Variants in NTN4 observed in about 807,000 individuals in gnomAD.
NTN4 encodes netrin 4, also known as netrin-4.
A neutral mutation model predicts 73.6 loss-of-function variants in NTN4; 32 were observed. That is an observed-to-expected ratio of 0.44 (90% confidence interval 0.33 to 0.58). The LOEUF is 0.58. Ranked by LOEUF, NTN4 falls within the 20% of genes least tolerant of loss-of-function variation. The pLI is 0.04. For missense variants in NTN4, 654 were observed against 798.3 expected, an observed-to-expected ratio of 0.82 and a Z score of 2.18; for synonymous variants, 258 against 287.5, an observed-to-expected ratio of 0.90 and a Z score of 1.04.
intron 3 of NTN4, among the ~76,000 whole-genome samples, chr12:95,715,615 A>G (rs1453399415): frequency 1.3e-5 from 2 of 152,142 alleles, no homozygotes; most frequent in Non-Finnish European, 2.9e-5. Context: ...AGCTCTAAAG[A>G]CAAATCTGCA....
At chr12:95,691,808 G>C (rs1317112049) in intron 5 of NTN4, among the ~76,000 whole-genome samples, 1 of 151,964 alleles carries the variant, frequency 6.6e-6, no homozygotes, top group Non-Finnish European at 1.5e-5. Context: ...CTGTCCTTAA[G>C]AGCCAAAATA....
chr12:95,778,760 GA>G (rs373424961), intron 2 of NTN4, among the ~76,000 whole-genome samples: 10,440 of 152,178 alleles, frequency 0.069, 506 homozygotes, highest in Non-Finnish European at 0.099. Flanking sequence ...CATTCCTTCT[GA>G]AACTATTCCA....
At chr12:95,678,265 T>C (rs903078388) in intron 7 of NTN4, among the ~76,000 whole-genome samples, 6 of 150,712 alleles carry the variant, frequency 4.0e-5, no homozygotes, top group African/African-American at 1.5e-4. Flanking sequence ...GATGAGGGGT[T>C]GATAGGTGCA....
intron 5 of NTN4, among the ~76,000 whole-genome samples, chr12:95,692,300 T>G (rs1301525799): frequency 6.6e-6 from 1 of 152,148 alleles, no homozygotes; most frequent in Non-Finnish European, 1.5e-5. Flanking sequence ...CCTCCCAAAC[T>G]GCTGGGATTA....
At chr12:95,739,835 C>T (rs1348781873) in intron 2 of NTN4, 1 of 152,242 alleles carries the variant, frequency 6.6e-6, no homozygotes, top group African/African-American at 2.4e-5. Context: ...GTCTCTGCCA[C>T]GTATTTACCC....
intron 2 of NTN4, among the ~76,000 whole-genome samples, chr12:95,772,620 A>C (rs1421465471): frequency 6.6e-6 from 1 of 152,128 alleles, no homozygotes; most frequent in African/African-American, 2.4e-5. Context: ...TTCTTCTCCA[A>C]ATCTGTTCCC....
intron 5 of NTN4, among the ~76,000 whole-genome samples, chr12:95,703,178 T>C (rs1173187680): frequency 6.6e-6 from 1 of 152,018 alleles, no homozygotes; most frequent in African/African-American, 2.4e-5. Flanking sequence ...TTTGAGAAGA[T>C]AAAAACTGGA....
At chr12:95,783,047 T>A (rs939767919) in intron 2 of NTN4, among the ~76,000 whole-genome samples, 4 of 152,230 alleles carry the variant, frequency 2.6e-5, no homozygotes, top group African/African-American at 9.6e-5. Context: ...ACCTATCATT[T>A]TTAGCCTCAA....
chr12:95,749,117 G>C (rs2078884447), intron 2 of NTN4, among the ~76,000 whole-genome samples: 1 of 150,970 alleles, frequency 6.6e-6, no homozygotes, highest in Non-Finnish European at 1.5e-5. Flanking sequence ...AACCCCCTTT[G>C]ACTGTAATTT....
In NTN4 at chr12:95,682,763, C is replaced by T. The variant is rs780030799; in HGVS notation, c.1454G>A (p.Ser485Asn). Residue 485 changes from serine (S) to asparagine (N), a missense_variant, in exon 7 of 10, where the codon AGC (serine) becomes AAC (asparagine). Transcript: ENST00000343702. ...VPDFRPVHNK[S>N]EPAWEWEDAQ... is the part of the protein sequence containing the mutation. ...ATCCTCCCACTCCCAGGCTGGTTCGCTCTTATTGTGCACGGGACGGAAGTC... is the reference window on the plus strand; with the variant it reads ...ATCCTCCCACTCCCAGGCTGGTTCGTTCTTATTGTGCACGGGACGGAAGTC... The T allele has an allele frequency of 1.2e-6, 2 of 1,614,014 alleles. No homozygotes were observed. Among genetic ancestry groups the T allele is most frequent in the East Asian group, 2.2e-5 (1 of 44,856 alleles).
chr12:95,753,009 A>T (rs1248039718), intron 2 of NTN4, among the ~76,000 whole-genome samples: 4 of 152,102 alleles, frequency 2.6e-5, no homozygotes, highest in African/African-American at 4.8e-5. Context: ...TCCGGACTTC[A>T]ATCTGGCCTC....
Position 95,738,794 on chromosome 12 carries a change from A to G in NTN4, c.586-650T>C, listed in dbSNP as rs143290157. Among the ~76,000 whole-genome samples, 302 of 152,332 alleles carry G rather than the reference A, an allele frequency of 2.0e-3. 3 individuals are homozygous for G. The highest frequency in any genetic ancestry group is 7.1e-3 in the African/African-American group (296 of 41,568). On this transcript the variant is annotated intron_variant, in intron 2 of 9. Transcript: ENST00000343702. Reference sequence around the variant, plus strand: ...ACATGTCCAAGGTCTACTGGTACAGACCTGTCCTCAGTGAAATATAACTGT... The same window carrying G: ...ACATGTCCAAGGTCTACTGGTACAGGCCTGTCCTCAGTGAAATATAACTGT...
At chr12:95,741,806 C>T (rs1022359879) in intron 2 of NTN4, among the ~76,000 whole-genome samples, 5 of 151,694 alleles carry the variant, frequency 3.3e-5, no homozygotes, top group Non-Finnish European at 7.4e-5. Context: ...ACTGTACTCG[C>T]CTATTTTTGG....
intron 5 of NTN4, among the ~76,000 whole-genome samples, chr12:95,686,942 T>G (rs1480479570): frequency 6.6e-6 from 1 of 152,246 alleles, no homozygotes; most frequent in Non-Finnish European, 1.5e-5. Context: ...CGTTCATCCC[T>G]TCTGCATTTT....
intron 9 of NTN4, among the ~76,000 whole-genome samples, chr12:95,661,831 G>T (rs920888469): frequency 9.6e-6 from 1 of 104,336 alleles, no homozygotes; most frequent in East Asian, 3.2e-4. Context: ...CATAAAAAAG[G>T]AACTGTGCTA....
At chr12:95,786,903 C>G in intron 2 of NTN4, 36 bp downstream of exon 2, 1 of 1,553,642 alleles carries the variant, frequency 6.4e-7, no homozygotes, top group Non-Finnish European at 8.8e-7. Flanking sequence ...ATTTTTCTAT[C>G]TTACTTACAG....
chr12:95,785,490 G>A (rs2079160477), intron 2 of NTN4, among the ~76,000 whole-genome samples: 1 of 152,230 alleles, frequency 6.6e-6, no homozygotes, highest in Non-Finnish European at 1.5e-5. Context: ...AAAACAGTCA[G>A]TGTGCTGCTT....
At chr12:95,727,771 C>T (rs1160061745) in intron 3 of NTN4, among the ~76,000 whole-genome samples, 1 of 152,128 alleles carries the variant, frequency 6.6e-6, no homozygotes, top group Non-Finnish European at 1.5e-5. Flanking sequence ...GTTGTTTTGG[C>T]TATTTGAGGT....
chr12:95,790,263 A>G lies in NTN4; in HGVS notation c.47T>C (p.Val16Ala). ...RLLLLWGCTV[V>A]AAGLSGVAGV... The stretch of plus-strand genomic sequence containing the variant: ...GCCGCGTCACCACCCACCTGCGGCC[A>G]CCACCGTGCAGCCCCAGAGCAGCAG... The change falls in exon 1 of 10, where the codon GTG becomes GCG. Residue 16 changes from valine (V) to alanine (A), a missense_variant. Val to Ala is a moderately conservative substitution (Grantham distance 64, BLOSUM62 0). Coordinates refer to ENST00000343702, the MANE Select transcript of NTN4 (RefSeq NM_021229.4). The surrounding 1 kb of genome is among the most constrained non-coding windows in gnomAD (Gnocchi z 6.5). 1.3e-6 allele frequency: 2 copies of G among 1,535,898 alleles called. No homozygotes were observed. Among genetic ancestry groups the G allele is most frequent in the Admixed American group, 2.0e-5 (1 of 49,978 alleles).
Sources: allele counts gnomAD v4.1 joint callset (sites outside exome capture counted in the v4.1 genomes callset), GRCh38; gene constraint gnomAD v4.1.1; non-coding constraint Gnocchi (gnomAD v3.1); transcripts MANE v1.5; gene names NCBI Gene and HGNC (gene_info 2026-07-23, HGNC 2026-07-21).